The following MGLL variants were observed in gnomAD, a reference collection of about 807,000 sequenced individuals.
MGLL encodes the protein monoglyceride lipase.
MGLL carries 7 observed loss-of-function variants against 29.1 expected under a neutral mutation model. The observed-to-expected ratio is 0.24, with a 90% CI of 0.14 to 0.45. MGLL has a LOEUF of 0.45. Among genes scored for constraint, MGLL ranks in the 20% least tolerant of loss-of-function variants. The pLI is 0.99. For missense variants in MGLL, 356 were observed against 413.6 expected (o/e 0.86, Z 1.21); for synonymous variants, 148 against 168.3 (o/e 0.88, Z 0.93).
intron 2 of MGLL, among the ~76,000 whole-genome samples, chr3:127,792,165 T>C (rs925887720): frequency 2.6e-5 from 4 of 152,222 alleles, no homozygotes; most frequent in Non-Finnish European, 5.9e-5. Flanking sequence ...GAAATTTACA[T>C]CTATCAATCT....
At position 127,745,139 on chromosome 3, in the gene MGLL, C is replaced by T. The variant is rs936756186; in HGVS notation, c.263-22573G>A. Among the ~76,000 whole-genome samples, 4 of 152,320 alleles carry T rather than the reference C, an allele frequency of 2.6e-5. No individual in the cohort carries two copies. In the East Asian group the frequency reaches 7.7e-4, roughly 29 times the overall value. ...CCGCTATGATCCTTGGTTTCCTCATCAGTGAAAGCCGCCATCGGGGCCAGG... is the reference window on the plus strand; with the variant it reads ...CCGCTATGATCCTTGGTTTCCTCATTAGTGAAAGCCGCCATCGGGGCCAGG... On this transcript the variant is annotated intron_variant, in intron 3 of 7. Transcript: ENST00000265052.
At chr3:127,803,694 C>A (rs1330469150) in intron 2 of MGLL, among the ~76,000 whole-genome samples, 1 of 152,214 alleles carries the variant, frequency 6.6e-6, no homozygotes, top group Non-Finnish European at 1.5e-5. Context: ...ATGAGTCTCT[C>A]AGCCTGTAGG....
chr3:127,748,205 A>T, intron 3 of MGLL, among the ~76,000 whole-genome samples: 1 of 152,162 alleles, frequency 6.6e-6, no homozygotes, highest in Non-Finnish European at 1.5e-5. Flanking sequence ...ATGCCTACCC[A>T]GACTAGGGTG....
intron 3 of MGLL, among the ~76,000 whole-genome samples, chr3:127,745,127 TG>T (rs1461042649): frequency 6.6e-6 from 1 of 152,164 alleles, no homozygotes; most frequent in Non-Finnish European, 1.5e-5. Flanking sequence ...CTATGATCCT[TG>T]GTTTCCTCAT....
At chr3:127,787,464 T>G (rs2077232722) in intron 2 of MGLL, among the ~76,000 whole-genome samples, 1 of 152,220 alleles carries the variant, frequency 6.6e-6, no homozygotes, top group Non-Finnish European at 1.5e-5. Context: ...CCTGCCCTTG[T>G]CGAAGCAATG....
At chr3:127,775,779 G>A (rs1327852305) in intron 3 of MGLL, among the ~76,000 whole-genome samples, 1 of 152,212 alleles carries the variant, frequency 6.6e-6, no homozygotes, top group Non-Finnish European at 1.5e-5. Flanking sequence ...CCCTGGGGAA[G>A]GGCCCTTTCC....
intron 3 of MGLL, among the ~76,000 whole-genome samples, chr3:127,727,795 T>G (rs994745543): frequency 2.0e-5 from 3 of 152,118 alleles, no homozygotes; most frequent in Non-Finnish European, 4.4e-5. Flanking sequence ...TTATCTCTTT[T>G]CTTTTACACT....
At chr3:127,717,977 C>T (rs779637914) in intron 5 of MGLL, among the ~76,000 whole-genome samples, 3 of 152,228 alleles carry the variant, frequency 2.0e-5, no homozygotes, top group Admixed American at 6.5e-5. Context: ...ATTTCTGCTG[C>T]TACCACTTTG....
chr3:127,735,895 T>C, intron 3 of MGLL: 1 of 1,551,550 alleles, frequency 6.4e-7, no homozygotes, highest in South Asian at 1.2e-5. Context: ...TGTTCAGCTC[T>C]GCAAAGAGAT....
At chr3:127,753,360 G>T (rs1408818531) in intron 3 of MGLL, among the ~76,000 whole-genome samples, 2 of 152,210 alleles carry the variant, frequency 1.3e-5, no homozygotes, top group Admixed American at 1.3e-4. Context: ...CTGGGTCCTT[G>T]ATGTGACCAG....
chr3:127,692,642 C>T (rs1576462286), intron 7 of MGLL, among the ~76,000 whole-genome samples: 1 of 152,300 alleles, frequency 6.6e-6, no homozygotes, highest in East Asian at 1.9e-4. Flanking sequence ...GGGGGTTCCA[C>T]TCCCGGCCTC....
chr3:127,696,396 CTTTTTTTTTTTTTTTTTTTTT>C (rs545853423), intron 6 of MGLL, among the ~76,000 whole-genome samples: 4 of 49,346 alleles, frequency 8.1e-5, no homozygotes, highest in Non-Finnish European at 1.2e-4. Context: ...CCTGATGCTT[CTTTTTTTTTTTTTTTTTTTTT>C]TTTTTTTTTT....
In MGLL at chr3:127,794,889, C is replaced by T. The variant is rs1043662230; in HGVS notation, c.156-12994G>A. ...TTCTGTTGAGTTTTTATCTTTTGCT[C>T]GTCCTTTTGGAAGAAAGTTAATGTG... is the stretch of plus-strand genomic sequence containing the variant. On this transcript the variant is annotated intron_variant, in intron 2 of 7. Coordinates refer to ENST00000265052, the MANE Select transcript of MGLL (RefSeq NM_007283.7). Among the ~76,000 whole-genome samples the T allele has an allele frequency of 2.6e-5, 4 of 152,180 alleles. No individual in the cohort carries two copies. In the South Asian group the frequency reaches 6.2e-4, roughly 24 times the overall value.
At chr3:127,746,150 T>C (rs1394710931) in intron 3 of MGLL, among the ~76,000 whole-genome samples, 1 of 152,018 alleles carries the variant, frequency 6.6e-6, no homozygotes, top group Admixed American at 6.5e-5. Context: ...TGAGAACGCC[T>C]GGGATGGTGA....
At chr3:127,757,117 C>T (rs1048955186) in intron 3 of MGLL, among the ~76,000 whole-genome samples, 7 of 152,210 alleles carry the variant, frequency 4.6e-5, no homozygotes, top group Non-Finnish European at 8.8e-5. Context: ...CCATCAACAG[C>T]TTCTGCTGTT....
chr3:127,711,288 C>A (rs1485134485), intron 5 of MGLL: 5 of 172,168 alleles, frequency 2.9e-5, no homozygotes, highest in Non-Finnish European at 6.4e-5. Context: ...CCAGTGGGAC[C>A]TTGACCCTCC....
chr3:127,692,172 CATGAGCCGGGCACCGGCCA>C lies in MGLL; in HGVS notation c.*7_*25del, dbSNP rs754105649. 9.2e-5 allele frequency: 147 copies of C among 1,604,322 alleles called. No homozygotes were observed. In the African/African-American group the frequency reaches 1.8e-3, roughly 19 times the overall value. On this transcript the variant is annotated 3_prime_UTR_variant, in exon 8 of 8. Coordinates refer to ENST00000265052, the MANE Select transcript of MGLL (RefSeq NM_007283.7). ...CTTCCCCTGCCTGCATCCCCCAGAC[CATGAGCCGGGCACCGGCCA>C]ATGCATTCAGGGTGGGGACGCAGTT... is the stretch of plus-strand genomic sequence containing the variant.
At chr3:127,820,145 A>G (rs564873440) in intron 2 of MGLL, among the ~76,000 whole-genome samples, 231 of 152,322 alleles carry the variant, frequency 1.5e-3, no homozygotes, top group African/African-American at 5.3e-3. Context: ...GAACTGCCTC[A>G]ACCATCCACC....
intron 3 of MGLL, among the ~76,000 whole-genome samples, chr3:127,728,820 T>C (rs72971884): frequency 8.2e-4 from 125 of 152,240 alleles, no homozygotes; most frequent in African/African-American, 2.9e-3. Context: ...CATGTGGGAG[T>C]GTCACCTTTC....
Sources: allele counts gnomAD v4.1 joint callset (sites outside exome capture counted in the v4.1 genomes callset), GRCh38; gene constraint gnomAD v4.1.1; transcripts MANE v1.5; gene names NCBI Gene and HGNC (gene_info 2026-07-23, HGNC 2026-07-21).